PALM2AKAP2: variants seen among roughly 807,000 people sequenced by gnomAD.
The protein encoded by PALM2AKAP2 is PALM2-AKAP2 fusion protein.
In PALM2AKAP2, 37 loss-of-function variants were observed where a neutral mutation model predicts 71.5. That is an observed-to-expected ratio of 0.52 (90% CI 0.40 to 0.68). The LOEUF (loss-of-function observed/expected upper bound fraction) is 0.68. Among genes scored for constraint, PALM2AKAP2 ranks in the 30% least tolerant of loss-of-function variants. PALM2AKAP2 has a pLI of 0.00. For synonymous variants in PALM2AKAP2, 468 were observed against 478.8 expected (o/e 0.98, Z 0.29); for missense variants, 1,224 against 1,191.8 (o/e 1.03, Z -0.40).
chr9:109,670,608 G>A (rs1382301440), intron 1 of PALM2AKAP2, among the ~76,000 whole-genome samples: 2 of 152,062 alleles, frequency 1.3e-5, no homozygotes, highest in Non-Finnish European at 2.9e-5. Context: ...ATAATAGAAT[G>A]ATTTCTATTC....
At chr9:109,722,496 G>T (rs1035080942) in intron 1 of PALM2AKAP2, among the ~76,000 whole-genome samples, 6 of 152,166 alleles carry the variant, frequency 3.9e-5, no homozygotes, top group Non-Finnish European at 8.8e-5. Context: ...TAGGAGCTAG[G>T]CGAGATGCCT....
At chr9:110,097,761 C>T (rs1163239201) in intron 1 of PALM2AKAP2, among the ~76,000 whole-genome samples, 1 of 142,740 alleles carries the variant, frequency 7.0e-6, no homozygotes, top group African/African-American at 2.9e-5. Flanking sequence ...GACGGGGTGG[C>T]GGCCGGGCAG....
At chr9:110,138,056 G>A (rs1835935353) in exon 2 of PALM2AKAP2, 1 of 1,611,630 alleles carries the variant, frequency 6.2e-7, no homozygotes, top group Non-Finnish European at 8.5e-7. Context: ...TGAAGCGACT[G>A]TAGAGGAAGC....
At chr9:110,032,232 AAC>A (rs890531742) in intron 7 of PALM2AKAP2, among the ~76,000 whole-genome samples, 13 of 152,108 alleles carry the variant, frequency 8.5e-5, no homozygotes, top group African/African-American at 3.1e-4. Flanking sequence ...TGCCACAAAT[AAC>A]ACAGCCTTGG....
intron 1 of PALM2AKAP2, among the ~76,000 whole-genome samples, chr9:109,680,624 A>T (rs1049655335): frequency 6.6e-6 from 1 of 152,222 alleles, no homozygotes; most frequent in South Asian, 2.1e-4. Context: ...AAAATATTTT[A>T]AAAACAAATC....
exon 4 of PALM2AKAP2, chr9:110,172,301 T>A (rs1836877668): frequency 6.6e-6 from 1 of 152,638 alleles, no homozygotes; most frequent in Non-Finnish European, 1.5e-5. Flanking sequence ...TTACCCAAAT[T>A]ATTTTTTCTT....
chr9:109,826,364 T>C (rs1828150916), intron 1 of PALM2AKAP2, among the ~76,000 whole-genome samples: 2 of 151,996 alleles, frequency 1.3e-5, no homozygotes, highest in Admixed American at 1.3e-4. Flanking sequence ...TAAAGTATAA[T>C]AAAAATAAAT....
chr9:109,962,009 A>G (rs772465637), intron 6 of PALM2AKAP2, among the ~76,000 whole-genome samples: 5 of 152,214 alleles, frequency 3.3e-5, no homozygotes, highest in South Asian at 4.1e-4. Flanking sequence ...TTCAGTAGTT[A>G]TAATTGCCAC....
intron 1 of PALM2AKAP2, among the ~76,000 whole-genome samples, chr9:109,833,406 A>T (rs1343414924): frequency 6.6e-6 from 1 of 152,124 alleles, no homozygotes; most frequent in African/African-American, 2.4e-5. Context: ...TGTGCTGTGT[A>T]GTGAGCACCA....
chr9:109,744,915 A>T (rs1253591020), intron 1 of PALM2AKAP2, among the ~76,000 whole-genome samples: 1 of 152,104 alleles, frequency 6.6e-6, no homozygotes, highest in Non-Finnish European at 1.5e-5. Flanking sequence ...TCTCTTCCGG[A>T]AGACTCTAGG....
intron 2 of PALM2AKAP2, among the ~76,000 whole-genome samples, chr9:109,878,797 G>T (rs996810345): frequency 3.3e-5 from 5 of 152,184 alleles, no homozygotes; most frequent in Admixed American, 6.5e-5. Context: ...GAGTGCAGTG[G>T]CATGATCTCA....
intron 1 of PALM2AKAP2, among the ~76,000 whole-genome samples, chr9:109,845,609 C>T (rs1228350829): frequency 2.0e-5 from 3 of 152,196 alleles, no homozygotes; most frequent in Non-Finnish European, 4.4e-5. Context: ...TTGTGGAGAT[C>T]TCAGTGGGTA....
chr9:110,035,195 ATGTG>A (rs542858893), intron 7 of PALM2AKAP2, among the ~76,000 whole-genome samples: 4 of 144,560 alleles, frequency 2.8e-5, no homozygotes, highest in African/African-American at 7.6e-5. Flanking sequence ...ATATGTGTGC[ATGTG>A]TGTGTGTGTG....
At chr9:109,890,412 C>A (rs989968760) in intron 3 of PALM2AKAP2, among the ~76,000 whole-genome samples, 2 of 152,192 alleles carry the variant, frequency 1.3e-5, no homozygotes, top group African/African-American at 2.4e-5. Flanking sequence ...AGGCGTGGAG[C>A]CCTCCAGGAC....
upstream of PALM2AKAP2, among the ~76,000 whole-genome samples, chr9:110,045,430 G>C (rs1389813492): frequency 6.6e-6 from 1 of 152,118 alleles, no homozygotes; most frequent in Non-Finnish European, 1.5e-5. Context: ...GGGTGATAAA[G>C]CTAACCTTGC....
intron 1 of PALM2AKAP2, among the ~76,000 whole-genome samples, chr9:109,790,925 T>C (rs1020398440): frequency 6.6e-6 from 1 of 152,242 alleles, no homozygotes; most frequent in African/African-American, 2.4e-5. Flanking sequence ...GTAACCTGCA[T>C]GGCCTATTTT....
At chr9:110,147,682 G>A (rs898867455) in intron 2 of PALM2AKAP2, among the ~76,000 whole-genome samples, 3 of 152,176 alleles carry the variant, frequency 2.0e-5, no homozygotes, top group African/African-American at 7.2e-5. Context: ...CGAGGTGGGA[G>A]GATTGCTTGA....
chr9:110,137,303 TA>T lies in PALM2AKAP2; in HGVS notation c.1334del (p.Tyr445SerfsTer13). On this transcript the variant is annotated frameshift_variant, in exon 2 of 4. Transcript: ENST00000374525. LOFTEE classifies it high-confidence loss of function. ...CAGGCTGTTCTCCATCAAGCCTTTC[TA>T]CAGGCCTCTGGGGTCAGTCAACTCA... is the stretch of plus-strand genomic sequence containing the variant. 1 of 1,614,192 alleles carries T rather than the reference TA, an allele frequency of 6.2e-7. No individual in the cohort carries two copies. The highest frequency in any genetic ancestry group is 8.5e-7 in the Non-Finnish European group (1 of 1,180,020).
intron 3 of PALM2AKAP2, among the ~76,000 whole-genome samples, chr9:109,889,358 A>G (rs1830036922): frequency 1.3e-5 from 2 of 152,204 alleles, no homozygotes; most frequent in African/African-American, 4.8e-5. Flanking sequence ...AATGAACGTA[A>G]TGAGTGGGAG....
Sources: gnomAD v4.1 joint callset for allele counts (sites outside exome capture counted in the v4.1 genomes callset) on GRCh38, gnomAD v4.1.1 for gene constraint, MANE v1.5 for transcripts, NCBI Gene and HGNC (gene_info 2026-07-23, HGNC 2026-07-21) for gene names.